The following AMBRA1 variants were observed in gnomAD, a reference collection of about 807,000 sequenced individuals.
AMBRA1 encodes autophagy and beclin 1 regulator 1.
AMBRA1 carries 47 observed loss-of-function variants against 125.4 expected under a neutral mutation model. The observed-to-expected ratio is 0.37, with a 90% CI of 0.30 to 0.48. The LOEUF (loss-of-function observed/expected upper bound fraction) is 0.48. AMBRA1 is among the 20% of genes least tolerant of loss of function. The probability of loss-of-function intolerance (pLI) is 0.99; values close to 1 mark genes in which losing one functional copy is unlikely to be tolerated. For synonymous variants in AMBRA1, 626 were observed against 655.5 expected (o/e 0.95, Z 0.69); for missense variants, 1,331 against 1,693.4 (o/e 0.79, Z 3.76).
chr11:46,425,981 C>A (rs546987215), intron 14 of AMBRA1, among the ~76,000 whole-genome samples: 88 of 150,018 alleles, frequency 5.9e-4, no homozygotes, highest in African/African-American at 2.2e-3. Flanking sequence ...CCCGTCTCTA[C>A]TAAAAATACA....
chr11:46,484,644 T>C (rs1950200208), intron 11 of AMBRA1, among the ~76,000 whole-genome samples: 1 of 150,840 alleles, frequency 6.6e-6, no homozygotes, highest in South Asian at 2.1e-4. Flanking sequence ...CACCTATACT[T>C]CTTTGGCTTT....
intron 1 of AMBRA1, among the ~76,000 whole-genome samples, chr11:46,565,932 C>T (rs1179405986): frequency 6.6e-6 from 1 of 151,886 alleles, no homozygotes; most frequent in African/African-American, 2.4e-5. Context: ...GCCATCACAT[C>T]GGCTAATTTT....
At chr11:46,541,190 A>G (rs367983946) in intron 7 of AMBRA1, among the ~76,000 whole-genome samples, 3 of 152,318 alleles carry the variant, frequency 2.0e-5, no homozygotes, top group African/African-American at 7.2e-5. Flanking sequence ...TACATGGAAC[A>G]TATGGTGGGC....
At chr11:46,574,446 T>C (rs1481030576) in intron 1 of AMBRA1, among the ~76,000 whole-genome samples, 1 of 151,728 alleles carries the variant, frequency 6.6e-6, no homozygotes, top group Admixed American at 6.6e-5. Context: ...ATGTGTTTTT[T>C]GGCTGCATAA....
At chr11:46,507,950 G>T (rs1951117552) in intron 9 of AMBRA1, among the ~76,000 whole-genome samples, 1 of 152,194 alleles carries the variant, frequency 6.6e-6, no homozygotes, top group Non-Finnish European at 1.5e-5. Flanking sequence ...TCGCAATCTG[G>T]CCTGGGGCCC....
chr11:46,443,441 A>C, intron 12 of AMBRA1, 47 bp downstream of exon 12: 8 of 1,514,718 alleles, frequency 5.3e-6, no homozygotes, highest in Non-Finnish European at 7.3e-6. Context: ...CTGGCTCACC[A>C]GCAAATATAA....
intron 7 of AMBRA1, among the ~76,000 whole-genome samples, chr11:46,522,809 A>T (rs943224257): frequency 2.0e-5 from 3 of 152,144 alleles, no homozygotes; most frequent in African/African-American, 7.2e-5. Context: ...CTTAAAAAAC[A>T]TTTTTTCACA....
chr11:46,527,120 C>A (rs1952006096), intron 7 of AMBRA1, among the ~76,000 whole-genome samples: 1 of 152,084 alleles, frequency 6.6e-6, no homozygotes, highest in Non-Finnish European at 1.5e-5. Context: ...TGGGTGGCTC[C>A]CTTTCAATGT....
Position 46,465,207 on chromosome 11 carries a change from A to T in AMBRA1, c.2522-21609T>A, listed in dbSNP as rs117447018. On this transcript the variant is annotated intron_variant, in intron 11 of 17. Transcript: ENST00000683756. ...ATCCTAAACTTACTTAGCCTCACCC[A>T]TCCCTTCCCCTAGAAACCCCAATAA... 4.5e-3 allele frequency among the ~76,000 whole-genome samples: 680 copies of T among 151,994 alleles called. 7 individuals carry two copies. Among genetic ancestry groups the T allele is most frequent in the Middle Eastern group, 6.8e-3 (2 of 294 alleles).
chr11:46,443,862 C>A (rs1565164797), intron 11 of AMBRA1, among the ~76,000 whole-genome samples: 1 of 152,282 alleles, frequency 6.6e-6, no homozygotes, highest in East Asian at 1.9e-4. Flanking sequence ...GTGCCAACAA[C>A]GTGGCAGGTA....
intron 1 of AMBRA1, among the ~76,000 whole-genome samples, chr11:46,559,030 G>C (rs1017487870): frequency 1.3e-5 from 2 of 152,182 alleles, no homozygotes; most frequent in Non-Finnish European, 2.9e-5. Context: ...GCCGGGTGCA[G>C]TGGCTCACTC....
intron 11 of AMBRA1, among the ~76,000 whole-genome samples, chr11:46,476,926 G>T (rs539339866): frequency 1.3e-5 from 2 of 152,078 alleles, no homozygotes; most frequent in Non-Finnish European, 1.5e-5. Context: ...GGTCAAGATG[G>T]TAAAACCTTG....
intron 9 of AMBRA1, among the ~76,000 whole-genome samples, chr11:46,507,546 C>G (rs1951096457): frequency 6.6e-6 from 1 of 151,862 alleles, no homozygotes; most frequent in South Asian, 2.1e-4. Flanking sequence ...GCTCCTTTAG[C>G]GCATCCTCCC....
At chr11:46,571,413 C>T (rs923134610) in intron 1 of AMBRA1, among the ~76,000 whole-genome samples, 2 of 152,152 alleles carry the variant, frequency 1.3e-5, no homozygotes, top group East Asian at 3.8e-4. Context: ...CAGTGGTTCA[C>T]TTCTGTAATC....
intron 13 of AMBRA1, 43 bp downstream of exon 13, chr11:46,434,806 A>T (rs1280905059): frequency 6.5e-7 from 1 of 1,534,228 alleles, no homozygotes; most frequent in East Asian, 2.3e-5. Context: ...ATGCCAAGGC[A>T]CCAGCGTCCC....
intron 17 of AMBRA1, among the ~76,000 whole-genome samples, chr11:46,402,660 G>A (rs573013578): frequency 6.6e-6 from 1 of 152,304 alleles, no homozygotes; most frequent in Admixed American, 6.5e-5. Context: ...CACTGGAGAA[G>A]CACTTACATG....
At chr11:46,519,877 C>G (rs995806125) in intron 7 of AMBRA1, among the ~76,000 whole-genome samples, 7 of 152,120 alleles carry the variant, frequency 4.6e-5, no homozygotes, top group African/African-American at 1.2e-4. Flanking sequence ...CGGTGGCTCA[C>G]GCCTGTAATC....
At chr11:46,587,447 T>C (rs1476839279) in intron 1 of AMBRA1, among the ~76,000 whole-genome samples, 1 of 152,186 alleles carries the variant, frequency 6.6e-6, no homozygotes, top group Non-Finnish European at 1.5e-5. Context: ...TAGTTATCCT[T>C]GACTATGTAA....
intron 11 of AMBRA1, among the ~76,000 whole-genome samples, chr11:46,459,145 G>A (rs909304033): frequency 2.6e-5 from 4 of 152,006 alleles, no homozygotes; most frequent in African/African-American, 9.7e-5. Context: ...CTAGATACAC[G>A]GACAGACAGA....
Sources: gnomAD v4.1 joint callset for allele counts (sites outside exome capture counted in the v4.1 genomes callset) on GRCh38, gnomAD v4.1.1 for gene constraint, MANE v1.5 for transcripts, NCBI Gene and HGNC (gene_info 2026-07-23, HGNC 2026-07-21) for gene names.